MAST4: variants seen among roughly 807,000 people sequenced by gnomAD.
The protein encoded by MAST4 is microtubule associated serine/threonine kinase family member 4.
Under a neutral mutation model 162.7 loss-of-function variants are expected in MAST4, and 89 were observed. The ratio of observed to expected loss-of-function variants is 0.55; its 90% CI spans 0.46 to 0.65. The LOEUF (loss-of-function observed/expected upper bound fraction) is 0.65. Ranked by LOEUF, MAST4 falls within the 30% of genes least tolerant of loss-of-function variation. The probability of loss-of-function intolerance (pLI) is 0.00; values close to 1 mark genes in which losing one functional copy is unlikely to be tolerated. For missense variants in MAST4, 3,153 were observed against 3,374.0 expected (o/e 0.93, Z 1.62); for synonymous variants, 1,479 against 1,361.1 (o/e 1.09, Z -1.91).
At chr5:66,791,409 T>A (rs1216537262) in intron 3 of MAST4, among the ~76,000 whole-genome samples, 4 of 152,204 alleles carry the variant, frequency 2.6e-5, no homozygotes, top group Non-Finnish European at 5.9e-5. Context: ...GAAATGCATG[T>A]CACCTGACCT....
intron 1 of MAST4, among the ~76,000 whole-genome samples, chr5:66,718,457 C>A (rs905445664): frequency 6.6e-6 from 1 of 152,062 alleles, no homozygotes; most frequent in Non-Finnish European, 1.5e-5. Context: ...CCAGGAGAGG[C>A]TGATATGAGA....
intron 5 of MAST4, among the ~76,000 whole-genome samples, chr5:67,082,547 G>C (rs1185854317): frequency 6.6e-6 from 1 of 152,140 alleles, no homozygotes; most frequent in African/African-American, 2.4e-5. Flanking sequence ...TGAGATGCTG[G>C]ATCAGATACT....
At chr5:66,943,199 A>G (rs1052256177) in intron 4 of MAST4, among the ~76,000 whole-genome samples, 1 of 152,148 alleles carries the variant, frequency 6.6e-6, no homozygotes, top group Non-Finnish European at 1.5e-5. Context: ...AGAAAAGTTA[A>G]GTATCCCTTC....
At chr5:66,937,906 A>C (rs987787166) in intron 4 of MAST4, among the ~76,000 whole-genome samples, 4 of 152,024 alleles carry the variant, frequency 2.6e-5, no homozygotes, top group African/African-American at 9.6e-5. Context: ...TTTTATGATT[A>C]TACCCTTTAT....
At chr5:66,741,035 T>C (rs889366660) in intron 1 of MAST4, among the ~76,000 whole-genome samples, 7 of 152,288 alleles carry the variant, frequency 4.6e-5, no homozygotes, top group African/African-American at 1.7e-4. Context: ...GTTGTGACCA[T>C]GGAGAAAGGA....
At chr5:66,693,135 A>T (rs764893532) in intron 1 of MAST4, among the ~76,000 whole-genome samples, 4 of 152,138 alleles carry the variant, frequency 2.6e-5, no homozygotes, top group Non-Finnish European at 5.9e-5. Context: ...TGGGACTGAA[A>T]ATGTGAAAGT....
At chr5:67,091,807 A>ACC (rs201963588) in intron 6 of MAST4, among the ~76,000 whole-genome samples, 1 of 151,538 alleles carries the variant, frequency 6.6e-6, no homozygotes, top group African/African-American at 2.4e-5. Flanking sequence ...AAAATACATA[A>ACC]CCCCCCCAGG....
chr5:66,793,938 A>C (rs930039250), intron 3 of MAST4, among the ~76,000 whole-genome samples: 1 of 152,174 alleles, frequency 6.6e-6, no homozygotes, highest in Non-Finnish European at 1.5e-5. Flanking sequence ...ATGAAGGCAG[A>C]GATAATTCTG....
At chr5:67,097,416 CT>C (rs1293151506) in intron 7 of MAST4, among the ~76,000 whole-genome samples, 1 of 152,034 alleles carries the variant, frequency 6.6e-6, no homozygotes, top group Non-Finnish European at 1.5e-5. Flanking sequence ...GACTGTTTAA[CT>C]GAGTGACTGT....
intron 4 of MAST4, among the ~76,000 whole-genome samples, chr5:66,952,672 A>C (rs1031321761): frequency 6.6e-6 from 1 of 152,174 alleles, no homozygotes; most frequent in Non-Finnish European, 1.5e-5. Context: ...CAATGACTTC[A>C]TCACACACAC....
chr5:66,842,337 T>C (rs1351905330), intron 3 of MAST4, among the ~76,000 whole-genome samples: 7 of 152,212 alleles, frequency 4.6e-5, no homozygotes, highest in Admixed American at 2.0e-4. Context: ...AAAATGCTTT[T>C]GTTTTAAATG....
intron 2 of MAST4, among the ~76,000 whole-genome samples, chr5:66,765,624 A>G (rs1754059461): frequency 6.7e-6 from 1 of 148,646 alleles, no homozygotes; most frequent in Non-Finnish European, 1.5e-5. Context: ...TAGCTTCTTA[A>G]AAAAAATCTT....
intron 4 of MAST4, among the ~76,000 whole-genome samples, chr5:66,905,302 C>CAAAAAAAAAA (rs60337775): frequency 1.3e-5 from 1 of 78,450 alleles, no homozygotes; most frequent in Non-Finnish European, 2.4e-5. Flanking sequence ...AACTCTGTCT[C>CAAAAAAAAAA]AAAAAAAAAA....
At chr5:67,142,385 G>A (rs199640224) in intron 20 of MAST4, 36 bp from the exon 21 acceptor site, 131 of 1,524,944 alleles carry the variant, frequency 8.6e-5, no homozygotes, top group Non-Finnish European at 1.1e-4. Context: ...TTGAAAATCT[G>A]AGTAATTGGA....
At chr5:66,786,679 C>T (rs182747063) in intron 2 of MAST4, among the ~76,000 whole-genome samples, 4 of 152,184 alleles carry the variant, frequency 2.6e-5, no homozygotes, top group East Asian at 3.9e-4. Flanking sequence ...TACAGGGGAC[C>T]GATTTCTCAA....
At chr5:67,039,314 T>G (rs1038751896) in intron 4 of MAST4, among the ~76,000 whole-genome samples, 1 of 152,192 alleles carries the variant, frequency 6.6e-6, no homozygotes, top group Non-Finnish European at 1.5e-5. Context: ...ATATGGAAAG[T>G]TGACACAGTA....
chr5:66,909,565 T>A (rs1763606931), intron 4 of MAST4, among the ~76,000 whole-genome samples: 1 of 152,234 alleles, frequency 6.6e-6, no homozygotes, highest in Non-Finnish European at 1.5e-5. Flanking sequence ...AATTTGAGGC[T>A]TGCTTGTGCT....
At chr5:67,036,593 A>G (rs1420121345) in intron 4 of MAST4, among the ~76,000 whole-genome samples, 1 of 152,126 alleles carries the variant, frequency 6.6e-6, no homozygotes, top group Non-Finnish European at 1.5e-5. Flanking sequence ...ACCTACCCAT[A>G]TCCTCCTATA....
intron 3 of MAST4, among the ~76,000 whole-genome samples, chr5:66,856,185 A>G (rs1326977504): frequency 2.6e-5 from 4 of 152,064 alleles, no homozygotes; most frequent in Non-Finnish European, 4.4e-5. Context: ...AGAGAGAGAG[A>G]TAGGACACTC....
Sources: gnomAD v4.1 joint callset for allele counts (sites outside exome capture counted in the v4.1 genomes callset) on GRCh38, gnomAD v4.1.1 for gene constraint, MANE v1.5 for transcripts, NCBI Gene and HGNC (gene_info 2026-07-23, HGNC 2026-07-21) for gene names.